CSTPP1: variants seen among roughly 807,000 people sequenced by gnomAD.
The protein encoded by CSTPP1 is centriolar satellite-associated tubulin polyglutamylase complex regulator 1, also known as UPF0705 protein C11orf49.
At chr11:47,148,773 T>C in the CSTPP1 span, among the ~76,000 whole-genome samples, 1 of 152,182 alleles carries the variant, frequency 6.6e-6, no homozygotes, top group African/African-American at 2.4e-5. Context: ...ACAAGAATCC[T>C]GGGAAACAGG....
At chr11:47,163,420 C>T in the CSTPP1 span, among the ~76,000 whole-genome samples, 22,865 of 152,114 alleles carry the variant, frequency 0.15, 2,893 homozygotes, top group East Asian at 0.65. Context: ...CCCTGGCTTA[C>T]AGCCCCCTGG....
the CSTPP1 span, among the ~76,000 whole-genome samples, chr11:47,005,519 G>T: frequency 9.7e-4 from 148 of 152,214 alleles, 1 homozygote; most frequent in Admixed American, 2.2e-3. Flanking sequence ...GAAAAATAAT[G>T]GCTATTAGTT....
chr11:46,997,031 T>C, the CSTPP1 span, among the ~76,000 whole-genome samples: 1 of 152,318 alleles, frequency 6.6e-6, no homozygotes, highest in Admixed American at 6.5e-5. Flanking sequence ...CAATTTTGTG[T>C]CTTGGAGTTG....
chr11:46,968,019 A>G, the CSTPP1 span, among the ~76,000 whole-genome samples: 1 of 151,834 alleles, frequency 6.6e-6, no homozygotes, highest in Non-Finnish European at 1.5e-5. Context: ...AAACTGAAGC[A>G]GATTGGTTGT....
the CSTPP1 span, among the ~76,000 whole-genome samples, chr11:47,035,081 T>TA: frequency 2.6e-5 from 4 of 152,216 alleles, no homozygotes; most frequent in African/African-American, 7.2e-5. Context: ...CAAGACAAGT[T>TA]AAAAAAGTAT....
the CSTPP1 span, among the ~76,000 whole-genome samples, chr11:47,087,038 A>G: frequency 6.6e-6 from 1 of 152,184 alleles, no homozygotes; most frequent in East Asian, 1.9e-4. Context: ...GAGAAGGAAT[A>G]TAGGCTGGAT....
chr11:47,020,246 A>G, the CSTPP1 span, among the ~76,000 whole-genome samples: 3 of 152,234 alleles, frequency 2.0e-5, no homozygotes, highest in South Asian at 2.1e-4. Flanking sequence ...GAAATGAAAT[A>G]AAGTCTACAT....
At chr11:46,998,957 G>T in the CSTPP1 span, among the ~76,000 whole-genome samples, 1 of 151,996 alleles carries the variant, frequency 6.6e-6, no homozygotes, top group East Asian at 1.9e-4. Context: ...AGCCAGGATG[G>T]TCTCGATTTC....
At chr11:47,004,422 T>A in the CSTPP1 span, 1 of 152,010 alleles carries the variant, frequency 6.6e-6, no homozygotes, top group East Asian at 1.9e-4. Flanking sequence ...CATGTTATGC[T>A]CCTGCCTCAG....
At chr11:47,064,687 C>CT in the CSTPP1 span, among the ~76,000 whole-genome samples, 1 of 152,046 alleles carries the variant, frequency 6.6e-6, no homozygotes, top group African/African-American at 2.4e-5. Flanking sequence ...TTTGCCTGTC[C>CT]TTATGATTAC....
the CSTPP1 span, among the ~76,000 whole-genome samples, chr11:47,106,829 T>G: frequency 6.6e-6 from 1 of 152,220 alleles, no homozygotes; most frequent in African/African-American, 2.4e-5. Context: ...AACTGGGCCT[T>G]CCTTTCCCAG....
At chr11:46,954,988 A>AG in the CSTPP1 span, among the ~76,000 whole-genome samples, 36 of 152,316 alleles carry the variant, frequency 2.4e-4, no homozygotes, top group Non-Finnish European at 4.7e-4. Flanking sequence ...CAAAGCCCAA[A>AG]GGGGCTCAGT....
the CSTPP1 span, among the ~76,000 whole-genome samples, chr11:46,946,550 C>T: frequency 2.0e-5 from 3 of 152,256 alleles, no homozygotes; most frequent in South Asian, 2.1e-4. Context: ...CCCAGCTACT[C>T]GCGAGGCTGA....
At chr11:47,062,047 T>A in the CSTPP1 span, among the ~76,000 whole-genome samples, 1 of 152,156 alleles carries the variant, frequency 6.6e-6, no homozygotes, top group Non-Finnish European at 1.5e-5. Flanking sequence ...GGTTTTAGTT[T>A]TAAAGGTCAG....
chr11:47,050,795 T>C, the CSTPP1 span, among the ~76,000 whole-genome samples: 1 of 152,200 alleles, frequency 6.6e-6, no homozygotes, highest in South Asian at 2.1e-4. Flanking sequence ...CACTGCGTGG[T>C]TAGGTTAACA....
chr11:47,161,590 T>C, the CSTPP1 span: 7 of 1,613,922 alleles, frequency 4.3e-6, 1 homozygote, highest in South Asian at 5.5e-5. Context: ...GAAAAGTGGA[T>C]GGAGAGAGTG....
chr11:47,129,171 G>A, the CSTPP1 span, among the ~76,000 whole-genome samples: 36 of 152,238 alleles, frequency 2.4e-4, no homozygotes, highest in Admixed American at 1.7e-3. Flanking sequence ...TGAGTTGTCC[G>A]TTTCAAAGGG....
the CSTPP1 span, chr11:47,137,617 A>G: frequency 1.2e-6 from 2 of 1,614,122 alleles, no homozygotes; most frequent in South Asian, 1.1e-5. Context: ...GCAGAGACCT[A>G]ATGTGTTCCT....
the CSTPP1 span, among the ~76,000 whole-genome samples, chr11:47,121,623 T>C: frequency 6.6e-6 from 1 of 152,088 alleles, no homozygotes; most frequent in African/African-American, 2.4e-5. Flanking sequence ...GACAAAGAAA[T>C]TGATCCCTAA....
Sources: allele counts gnomAD v4.1 joint callset (sites outside exome capture counted in the v4.1 genomes callset), GRCh38; gene constraint gnomAD v4.1.1; transcripts MANE v1.5; gene names NCBI Gene and HGNC (gene_info 2026-07-23, HGNC 2026-07-21).